Variants in SMTN observed in about 807,000 individuals in gnomAD.
The protein encoded by SMTN is smoothelin.
A neutral mutation model predicts 102.0 loss-of-function variants in SMTN; 58 were observed. That is an observed-to-expected ratio of 0.57 (90% CI 0.46 to 0.71). SMTN has a LOEUF of 0.71. Among genes scored for constraint, SMTN ranks in the 30% least tolerant of loss-of-function variants. The probability of loss-of-function intolerance (pLI) is 0.00; values close to 1 mark genes in which losing one functional copy is unlikely to be tolerated. For missense variants in SMTN, 1,185 were observed against 1,241.7 expected (o/e 0.95, Z 0.69); for synonymous variants, 478 against 497.9 (o/e 0.96, Z 0.53).
Position 31,104,611 on chromosome 22 carries a change from T to C in SMTN, c.*316T>C. ...ACACACGCAGCGTTTTGATAAATTA[T>C]TGGTTTTCAACGATCCTGACTCCTC... On this transcript the variant is annotated 3_prime_UTR_variant, in exon 21 of 21. Coordinates refer to ENST00000333137, the MANE Select transcript of SMTN (RefSeq NM_134269.3). 2.3e-6 allele frequency: 2 copies of C among 870,560 alleles called. No individual in the cohort carries two copies. The highest frequency in any genetic ancestry group is 3.6e-6 in the Non-Finnish European group (2 of 562,932). The allele number at this position is 870,560 out of a possible 1,614,324, so 53.9% of individuals were successfully genotyped here. A position where few individuals can be genotyped will look rare whatever the true frequency, so the allele number is the denominator to read the frequency against.
chr22:31,099,002 G>A, intron 17 of SMTN, 60 bp from the exon 18 acceptor site: 1 of 1,550,124 alleles, frequency 6.5e-7, no homozygotes, highest in Non-Finnish European at 8.8e-7. Context: ...TCCACTGGGT[G>A]GGCCCACCGA....
intron 2 of SMTN, chr22:31,084,980 G>A (rs2042569973): frequency 2.1e-6 from 3 of 1,459,858 alleles, no homozygotes; most frequent in Non-Finnish European, 2.7e-6. Context: ...GGCCCGCTCC[G>A]CCCGCCCTGC....
chr22:31,081,586 C>T (rs1168751447), intron 1 of SMTN, 130 bp downstream of exon 1: 4 of 152,228 alleles, frequency 2.6e-5, no homozygotes, highest in Non-Finnish European at 4.4e-5. Flanking sequence ...AGGTCTAAGC[C>T]ATGGGATAAA....
intron 1 of SMTN, chr22:31,066,150 T>C (rs1318883342): frequency 6.6e-6 from 1 of 152,100 alleles, no homozygotes; most frequent in African/African-American, 2.4e-5. Context: ...TCTCCTGCTG[T>C]TTTTAGAGTT....
At chr22:31,094,112 G>A (rs934367014) in intron 11 of SMTN, among the ~76,000 whole-genome samples, 5 of 152,174 alleles carry the variant, frequency 3.3e-5, no homozygotes, top group Non-Finnish European at 5.9e-5. Flanking sequence ...GCTCCCTGCC[G>A]CCCTGCACCC....
Position 31,095,303 on chromosome 22 carries a change from A to G in SMTN, c.1633A>G (p.Met545Val). 6.2e-7 allele frequency: 1 copy of G among 1,613,562 alleles called. No homozygotes were observed. The highest frequency in any genetic ancestry group is 8.5e-7 in the Non-Finnish European group (1 of 1,179,958). ...TCCATGCCCTCTCCCCACCCTGCAGATGGAAGCAGAGCCAGCAGAGCCTCT... is the reference window on the plus strand; with the variant it reads ...TCCATGCCCTCTCCCCACCCTGCAGGTGGAAGCAGAGCCAGCAGAGCCTCT... ...PSSRGGCSIK[M>V]EAEPAEPLAA... Residue 545 changes from methionine to valine, a missense_variant and splice_region_variant, in exon 12 of 21, where the codon ATG (methionine) becomes GTG (valine). Physicochemically the swap from Met to Val is conservative, Grantham distance 21. Transcript: ENST00000333137. This position sits in a 1 kb window ranked among gnomAD's most constrained non-coding sequence, Gnocchi z 4.1.
chr22:31,072,006 C>T (rs142309074), intron 1 of SMTN, among the ~76,000 whole-genome samples: 1 of 152,216 alleles, frequency 6.6e-6, no homozygotes, highest in South Asian at 2.1e-4. Context: ...ATATTGCCAT[C>T]TCTTAATGAA....
intron 2 of SMTN, 90 bp from the exon 3 acceptor site, chr22:31,087,875 C>A: frequency 7.2e-7 from 1 of 1,387,360 alleles, no homozygotes; most frequent in Non-Finnish European, 9.6e-7. Flanking sequence ...ACACAGGCCA[C>A]ACATTGTGCC....
chr22:31,100,033 G>C (rs1405829700), intron 19 of SMTN, 137 bp downstream of exon 19: 1 of 847,848 alleles, frequency 1.2e-6, no homozygotes. Flanking sequence ...CTTCCCCAGA[G>C]AGTCCCCGTC....
At chr22:31,104,044 G>C in intron 20 of SMTN, 1 of 477,938 alleles carries the variant, frequency 2.1e-6, no homozygotes, top group Non-Finnish European at 3.8e-6. Flanking sequence ...CAGGGTTGGA[G>C]GAAGCAGACC....
intron 3 of SMTN, 65 bp from the exon 4 acceptor site, chr22:31,088,448 C>A: frequency 6.9e-7 from 1 of 1,446,180 alleles, no homozygotes; most frequent in Non-Finnish European, 9.6e-7. Context: ...TGGCTCCTAC[C>A]CTTAGCCCAC....
chr22:31,078,689 C>T (rs1397556842), upstream of SMTN, among the ~76,000 whole-genome samples: 3 of 152,362 alleles, frequency 2.0e-5, no homozygotes, highest in East Asian at 5.8e-4. Flanking sequence ...AATGCCCTTT[C>T]ATGCCTTTCC....
chr22:31,083,021 C>A, intron 1 of SMTN, 158 bp from the exon 2 acceptor site: 1 of 1,406,016 alleles, frequency 7.1e-7, no homozygotes, highest in Non-Finnish European at 9.8e-7. Flanking sequence ...TCCAGCAAAC[C>A]ACCCTAGGGC....
chr22:31,092,717 C>A (rs149099004), intron 11 of SMTN, among the ~76,000 whole-genome samples: 1 of 152,290 alleles, frequency 6.6e-6, no homozygotes, highest in East Asian at 1.9e-4. Flanking sequence ...GTGGGGGGAC[C>A]CGCTGAGGCC....
intron 1 of SMTN, among the ~76,000 whole-genome samples, chr22:31,081,702 A>G (rs961295628): frequency 2.0e-5 from 3 of 152,252 alleles, no homozygotes; most frequent in African/African-American, 7.2e-5. Flanking sequence ...CTGCCACAGA[A>G]TCCTGAGGCC....
chr22:31,087,821 C>T (rs140891349), intron 2 of SMTN, 144 bp from the exon 3 acceptor site: 35 of 838,946 alleles, frequency 4.2e-5, no homozygotes, highest in South Asian at 1.6e-4. Context: ...CGGGACCCTG[C>T]GTGGGCAGGC....
upstream of SMTN, among the ~76,000 whole-genome samples, chr22:31,077,051 C>T (rs189009398): frequency 2.3e-3 from 350 of 152,304 alleles, 1 homozygote; most frequent in Middle Eastern, 0.034. Flanking sequence ...CAGGTCTCCC[C>T]AGTGCTCAGG....
rs370929401 is a variant in SMTN, at chr22:31,089,890, C to T, written c.663C>T (p.Ala221=). The T allele has an allele frequency of 1.1e-5, 17 of 1,613,512 alleles. No homozygotes were observed. Among genetic ancestry groups the T allele is most frequent in the Middle Eastern group, 1.6e-4 (1 of 6,084 alleles). Reference sequence around the variant, plus strand: ...CTCCTGAGCCTCCATTGGAGCCTGCCGAGGCCCAGTGCCTTACAGCTGAGG... The same window carrying T: ...CTCCTGAGCCTCCATTGGAGCCTGCTGAGGCCCAGTGCCTTACAGCTGAGG... ...PASPEPPLEP[A]EAQCLTAEVP... is the part of the protein sequence containing the mutation. Residue 221 remains alanine (A), a synonymous_variant, in exon 7 of 21, where the codon GCC becomes GCT. Transcript: ENST00000333137.
At chr22:31,083,395 A>G in intron 2 of SMTN, 86 bp downstream of exon 2, 1 of 1,417,910 alleles carries the variant, frequency 7.1e-7, no homozygotes. Flanking sequence ...AGCTGACAGG[A>G]AGAAGTGATG....
Sources: allele counts gnomAD v4.1 joint callset (sites outside exome capture counted in the v4.1 genomes callset), GRCh38; gene constraint gnomAD v4.1.1; non-coding constraint Gnocchi (gnomAD v3.1); transcripts MANE v1.5; gene names NCBI Gene and HGNC (gene_info 2026-07-23, HGNC 2026-07-21).